The following TGFBR1 variants were observed in gnomAD, a reference collection of about 807,000 sequenced individuals.
The protein encoded by TGFBR1 is TGF-beta receptor type-1.
A neutral mutation model predicts 55.1 loss-of-function variants in TGFBR1; 20 were observed. That is an observed-to-expected ratio of 0.36 (90% CI 0.26 to 0.53). TGFBR1 has a LOEUF of 0.53. Ranked by LOEUF, TGFBR1 falls within the 20% of genes least tolerant of loss-of-function variation. The pLI is 0.91. For synonymous variants in TGFBR1, 220 were observed against 214.8 expected (o/e 1.02, Z -0.21); for missense variants, 385 against 617.6 (o/e 0.62, Z 3.99).
At chr9:99,142,318 C>T (rs1827639269) in intron 4 of TGFBR1, among the ~76,000 whole-genome samples, 1 of 152,168 alleles carries the variant, frequency 6.6e-6, no homozygotes, top group Non-Finnish European at 1.5e-5. Flanking sequence ...TTATACTTGC[C>T]TTATCTCAAG....
At chr9:99,147,033 C>A (rs912769454) in intron 7 of TGFBR1, among the ~76,000 whole-genome samples, 2 of 152,058 alleles carry the variant, frequency 1.3e-5, no homozygotes, top group African/African-American at 4.8e-5. Context: ...ATTATGTTAC[C>A]ATTGTGTTGT....
chr9:99,146,691 AT>A, intron 7 of TGFBR1, 82 bp downstream of exon 7: 4 of 1,590,564 alleles, frequency 2.5e-6, no homozygotes, highest in Non-Finnish European at 3.4e-6. Flanking sequence ...ATTGAATGAA[AT>A]TATGTACAGT....
intron 4 of TGFBR1, among the ~76,000 whole-genome samples, chr9:99,142,292 T>C (rs1460245118): frequency 6.6e-6 from 1 of 152,240 alleles, no homozygotes; most frequent in Non-Finnish European, 1.5e-5. Flanking sequence ...CATCTTTGTC[T>C]CTTAAATGGG....
chr9:99,140,622 T>C (rs202227179), intron 4 of TGFBR1, among the ~76,000 whole-genome samples: 281 of 152,344 alleles, frequency 1.8e-3, no homozygotes, highest in Admixed American at 4.0e-3. Flanking sequence ...AGACTTTCCT[T>C]GTTCCTTCTT....
intron 1 of TGFBR1, among the ~76,000 whole-genome samples, chr9:99,107,070 C>A (rs1442489676): frequency 1.3e-5 from 2 of 152,178 alleles, no homozygotes; most frequent in Non-Finnish European, 2.9e-5. Flanking sequence ...ATTCAAGTAA[C>A]AGTAGTGGAC....
In TGFBR1 at chr9:99,124,644, C is replaced by T. The variant is rs145235366; in HGVS notation, c.98-4211C>T. On this transcript the variant is annotated intron_variant, in intron 1 of 8. Transcript: ENST00000374994. ...AAATTAAGTTCTTATTTTAGTTTTT[C>T]CCTAAACGATCTTGCCGTATCACAT... 3.3e-4 allele frequency among the ~76,000 whole-genome samples: 50 copies of T among 152,154 alleles called. No homozygotes were observed. The East Asian group carries it at 9.3e-3, about 28-fold the overall frequency.
chr9:99,119,040 C>T (rs748196823), intron 1 of TGFBR1, among the ~76,000 whole-genome samples: 8 of 152,080 alleles, frequency 5.3e-5, no homozygotes, highest in Non-Finnish European at 8.8e-5. Context: ...TATCTCTATC[C>T]TCCTAAAGGT....
intron 4 of TGFBR1, among the ~76,000 whole-genome samples, chr9:99,138,757 G>A (rs1309313865): frequency 6.6e-6 from 1 of 152,060 alleles, no homozygotes; most frequent in Non-Finnish European, 1.5e-5. Context: ...CTGTGCTGCT[G>A]CCACTTTCTT....
At chr9:99,117,937 T>G (rs760668093) in intron 1 of TGFBR1, among the ~76,000 whole-genome samples, 2 of 152,220 alleles carry the variant, frequency 1.3e-5, no homozygotes, top group Non-Finnish European at 2.9e-5. Context: ...CTTTACAGTA[T>G]TGAATCTTCC....
rs943667315 is a variant in TGFBR1, at chr9:99,150,003, CTA to C, written c.*700_*701del. 14 of 188,748 alleles carry C rather than the reference CTA, an allele frequency of 7.4e-5. No homozygotes were observed. The highest frequency in any genetic ancestry group is 1.9e-3 in the Middle Eastern group (1 of 536). The allele number at this position is 188,748 out of a possible 1,614,324, so 11.7% of individuals were successfully genotyped here. ...AAATGAGTAGAATTGCTGAAAGTCT[CTA>C]TGTTAAAACCTATAGTGTTTGAATT... On this transcript the variant is annotated 3_prime_UTR_variant, in exon 9 of 9. Transcript: ENST00000374994.
Position 99,152,471 on chromosome 9 carries a change from C to T in TGFBR1, c.*3166C>T, listed in dbSNP as rs1828005044. ...GTACAGTGCCATGGCCATCAAGAATCCCAGATTTCAGGTTTTATTACAAAA... is the reference window on the plus strand; with the variant it reads ...GTACAGTGCCATGGCCATCAAGAATTCCAGATTTCAGGTTTTATTACAAAA... On this transcript the variant is annotated 3_prime_UTR_variant, in exon 9 of 9. Coordinates refer to ENST00000374994, the MANE Select transcript of TGFBR1 (RefSeq NM_004612.4). The T allele has an allele frequency of 4.3e-6, 1 of 230,178 alleles. No individual in the cohort carries two copies. The highest frequency in any genetic ancestry group is 5.7e-5 in the Admixed American group (1 of 17,642). The allele number at this position is 230,178 out of a possible 1,614,324, so 14.3% of individuals were successfully genotyped here. A position where few individuals can be genotyped will look rare whatever the true frequency, so the allele number is the denominator to read the frequency against.
In TGFBR1 at chr9:99,149,887, T is replaced by C. The variant is rs1260177638; in HGVS notation, c.*582T>C. On this transcript the variant is annotated 3_prime_UTR_variant, in exon 9 of 9. Coordinates refer to ENST00000374994, the MANE Select transcript of TGFBR1 (RefSeq NM_004612.4). ...TCATGCAATTGTATTTTGTATACTATTATTGTTCTTTCACTTATTCAGAAC... is the reference window on the plus strand; with the variant it reads ...TCATGCAATTGTATTTTGTATACTACTATTGTTCTTTCACTTATTCAGAAC... The C allele has an allele frequency of 9.6e-6, 2 of 207,910 alleles. No individual in the cohort carries two copies. Among genetic ancestry groups the C allele is most frequent in the Admixed American group, 5.8e-5 (1 of 17,358 alleles). 12.9% of individuals were successfully genotyped at this position (207,910 alleles called of 1,614,324 possible). A position where few individuals can be genotyped will look rare whatever the true frequency, so the allele number is the denominator to read the frequency against.
chr9:99,105,030 G>GCGCTGCTCCC, upstream of TGFBR1: 1 of 424,784 alleles, frequency 2.4e-6, no homozygotes, highest in Non-Finnish European at 3.3e-6. Flanking sequence ...CGCGGCGGCG[G>GCGCTGCTCCC]GGAGGCGGGG....
chr9:99,128,111 G>A (rs527968375), intron 1 of TGFBR1: 1 of 429,432 alleles, frequency 2.3e-6, no homozygotes, highest in South Asian at 1.7e-5. Flanking sequence ...CTTCCCTAAA[G>A]AGGTCACTCC....
Position 99,142,539 on chromosome 9 carries a change from A to ACT in TGFBR1, c.809_810insCT (p.Gly271LeufsTer23), listed in dbSNP as rs1827645346. ...AAATGTTAATTCTGTTTTACAGACA[A>ACT]TGGTACTTGGACTCAGCTCTGGTTG... On this transcript the variant is annotated frameshift_variant, in exon 5 of 9. Coordinates refer to ENST00000374994, the MANE Select transcript of TGFBR1 (RefSeq NM_004612.4). LOFTEE classifies it high-confidence loss of function. The ACT allele has an allele frequency of 6.2e-7, 1 of 1,613,914 alleles. No homozygotes were observed. Among genetic ancestry groups the ACT allele is most frequent in the Non-Finnish European group, 8.5e-7 (1 of 1,179,932 alleles).
intron 7 of TGFBR1, among the ~76,000 whole-genome samples, chr9:99,147,225 C>T (rs1827821580): frequency 6.6e-6 from 1 of 152,120 alleles, no homozygotes; most frequent in Non-Finnish European, 1.5e-5. Context: ...ATATTATTGA[C>T]AGATGCAAGT....
intron 8 of TGFBR1, 140 bp from the exon 9 acceptor site, chr9:99,149,040 C>A: frequency 1.1e-6 from 1 of 875,224 alleles, no homozygotes; most frequent in Non-Finnish European, 1.7e-6. Context: ...GTAATTTCTA[C>A]TCATTTGCTA....
chr9:99,152,247 G>A lies in TGFBR1; in HGVS notation c.*2942G>A, dbSNP rs1242616520. On this transcript the variant is annotated 3_prime_UTR_variant, in exon 9 of 9. Coordinates refer to ENST00000374994, the MANE Select transcript of TGFBR1 (RefSeq NM_004612.4). ...GGTCTCCAAGTTTGGAGATTGAGCA[G>A]ATGAGGCTTGGGATGCCCCTGCTTT... 4.7e-6 allele frequency: 1 copy of A among 214,696 alleles called. No individual in the cohort carries two copies. The highest frequency in any genetic ancestry group is 9.4e-6 in the Non-Finnish European group (1 of 106,084). The allele number at this position is 214,696 out of a possible 1,614,324, so 13.3% of individuals were successfully genotyped here.
In TGFBR1 at chr9:99,110,783, A is replaced by G. The variant is rs183280417; in HGVS notation, c.97+5481A>G. ...GAACCTAGTTCATATCTATGAAAGA[A>G]GACCCTCTTTGTTTCCATTTTATAG... On this transcript the variant is annotated intron_variant, in intron 1 of 8. Coordinates refer to ENST00000374994, the MANE Select transcript of TGFBR1 (RefSeq NM_004612.4). Among the ~76,000 whole-genome samples, 4 of 152,362 alleles carry G rather than the reference A, an allele frequency of 2.6e-5. No individual in the cohort carries two copies. The East Asian group carries it at 7.7e-4, about 29-fold the overall frequency.
Sources: allele counts gnomAD v4.1 joint callset (sites outside exome capture counted in the v4.1 genomes callset), GRCh38; gene constraint gnomAD v4.1.1; transcripts MANE v1.5; gene names NCBI Gene and HGNC (gene_info 2026-07-23, HGNC 2026-07-21).